L3MBTL2: variants seen among roughly 807,000 people sequenced by gnomAD.
L3MBTL2 encodes the protein L3MBTL histone methyl-lysine binding protein 2.
Under a neutral mutation model 86.4 loss-of-function variants are expected in L3MBTL2, and 49 were observed. The ratio of observed to expected loss-of-function variants is 0.57; its 90% CI spans 0.45 to 0.72. The LOEUF (loss-of-function observed/expected upper bound fraction) is 0.72, where lower values mean the gene tolerates loss of function less well. L3MBTL2 is among the 30% of genes least tolerant of loss of function. The probability of loss-of-function intolerance (pLI) is 0.00; values close to 1 mark genes in which losing one functional copy is unlikely to be tolerated. For missense variants in L3MBTL2, 755 were observed against 923.7 expected (o/e 0.82, Z 2.37); for synonymous variants, 336 against 350.6 (o/e 0.96, Z 0.47).
At chr22:41,208,274 C>T (rs558274405) in intron 1 of L3MBTL2, 9 of 431,000 alleles carry the variant, frequency 2.1e-5, no homozygotes, top group Admixed American at 7.5e-5. Flanking sequence ...GGACTACAGG[C>T]GCATGCCACC....
At chr22:41,213,868 G>A in intron 2 of L3MBTL2, 25 bp from the exon 3 acceptor site, 1 of 1,613,688 alleles carries the variant, frequency 6.2e-7, no homozygotes, top group Non-Finnish European at 8.5e-7. Flanking sequence ...TATCGGGTGA[G>A]TCATGTGCTA....
intron 1 of L3MBTL2, among the ~76,000 whole-genome samples, chr22:41,208,856 C>T (rs1047628529): frequency 6.6e-6 from 1 of 152,080 alleles, no homozygotes; most frequent in African/African-American, 2.4e-5. Flanking sequence ...CAATTCTCTG[C>T]CTCAGCTTCC....
Position 41,227,494 on chromosome 22 carries a change from G to A in L3MBTL2, c.1822+171G>A, listed in dbSNP as rs2032268680. Reference sequence around the variant, plus strand: ...CCCAGCCCCTGCTCCTGACTTCTCTGTCTCCCTTTCCCTCTGGCCTGCAGA... The same window carrying A: ...CCCAGCCCCTGCTCCTGACTTCTCTATCTCCCTTTCCCTCTGGCCTGCAGA... On this transcript the variant is annotated intron_variant, in intron 14 of 16. Coordinates refer to ENST00000216237, the MANE Select transcript of L3MBTL2 (RefSeq NM_031488.5). The surrounding 1 kb of genome is among the most constrained non-coding windows in gnomAD (Gnocchi z 6.0). The A allele has an allele frequency of 3.0e-5, 39 of 1,306,122 alleles. No individual in the cohort carries two copies. In the South Asian group the frequency reaches 4.4e-4, roughly 15 times the overall value. The allele number at this position is 1,306,122 out of a possible 1,614,324, so 80.9% of individuals were successfully genotyped here.
chr22:41,225,077 C>G lies in L3MBTL2; in HGVS notation c.1356+6C>G. On this transcript the variant is annotated splice_donor_region_variant and intron_variant, in intron 11 of 16. Transcript: ENST00000216237. The surrounding 1 kb of genome is among the most constrained non-coding windows in gnomAD (Gnocchi z 4.1). Reference sequence around the variant, plus strand: ...GCGTGGCAACTGTCTGTAAGGTGAGCCAGGGGCCGGCTCTCCAGCCTCCAG... The same window carrying G: ...GCGTGGCAACTGTCTGTAAGGTGAGGCAGGGGCCGGCTCTCCAGCCTCCAG... 1 of 1,608,762 alleles carries G rather than the reference C, an allele frequency of 6.2e-7. No homozygotes were observed. Among genetic ancestry groups the G allele is most frequent in the Non-Finnish European group, 8.5e-7 (1 of 1,176,322 alleles).
rs1318642113 is a variant in L3MBTL2, at chr22:41,224,280, G to A, written c.1174+29G>A. Reference sequence around the variant, plus strand: ...AGCAGAGCCCCAGGCCAGAGGGACTGCATGCTGTGCTTCCCCAGGGACGGA... The same window carrying A: ...AGCAGAGCCCCAGGCCAGAGGGACTACATGCTGTGCTTCCCCAGGGACGGA... On this transcript the variant is annotated intron_variant, in intron 9 of 16. Transcript: ENST00000216237. This position sits in a 1 kb window ranked among gnomAD's most constrained non-coding sequence, Gnocchi z 4.9. 5.1e-6 allele frequency: 8 copies of A among 1,554,668 alleles called. No homozygotes were observed. The highest frequency in any genetic ancestry group is 7.1e-6 in the Non-Finnish European group (8 of 1,130,122).
intron 15 of L3MBTL2, 142 bp downstream of exon 15, chr22:41,228,011 C>T: frequency 7.0e-7 from 1 of 1,429,952 alleles, no homozygotes; most frequent in East Asian, 2.6e-5. Context: ...TGTTCCTGTC[C>T]TGTCTCTTTC....
chr22:41,217,391 A>G, intron 5 of L3MBTL2, 189 bp downstream of exon 5: 1 of 578,090 alleles, frequency 1.7e-6, no homozygotes, highest in Non-Finnish European at 3.1e-6. Context: ...CACTTCTATC[A>G]CCTGCTTGGC....
intron 16 of L3MBTL2, 47 bp from the exon 17 acceptor site, chr22:41,230,092 C>CCCCCCAA: frequency 1.0e-6 from 1 of 969,176 alleles, no homozygotes; most frequent in Non-Finnish European, 1.6e-6. Context: ...CCCACCCCTC[C>CCCCCCAA]CAGAGTTATT....
intron 1 of L3MBTL2, chr22:41,206,157 A>C (rs970997960): frequency 1.3e-5 from 2 of 151,888 alleles, no homozygotes; most frequent in African/African-American, 4.8e-5. Flanking sequence ...TAATTTTTGT[A>C]TTTTTAGTAG....
At chr22:41,226,982 C>A in intron 13 of L3MBTL2, 107 bp from the exon 14 acceptor site, 1 of 991,894 alleles carries the variant, frequency 1.0e-6, no homozygotes, top group Non-Finnish European at 1.5e-6. Context: ...GCAGCCATTC[C>A]AGTCCCCGCC....
intron 15 of L3MBTL2, chr22:41,228,618 A>C (rs2032357554): frequency 1.6e-6 from 1 of 606,636 alleles, no homozygotes; most frequent in Admixed American, 6.3e-5. Context: ...TGGGAGGCCG[A>C]GGTGGGCGGA....
At chr22:41,223,946 C>T (rs1045333623) in intron 8 of L3MBTL2, 74 bp from the exon 9 acceptor site, 10 of 1,200,860 alleles carry the variant, frequency 8.3e-6, no homozygotes, top group Non-Finnish European at 1.2e-5. Context: ...TCCCTGTCCT[C>T]CACTCACCAG....
intron 8 of L3MBTL2, among the ~76,000 whole-genome samples, chr22:41,223,391 G>A (rs1381003439): frequency 6.6e-6 from 1 of 152,198 alleles, no homozygotes; most frequent in East Asian, 1.9e-4. Flanking sequence ...CCAGCACCAT[G>A]GCTCTCTGTA....
chr22:41,206,462 T>C (rs902489076), intron 1 of L3MBTL2, among the ~76,000 whole-genome samples: 2 of 152,032 alleles, frequency 1.3e-5, no homozygotes, highest in Non-Finnish European at 2.9e-5. Context: ...GCTGGGACTA[T>C]AGGTGGTCTC....
chr22:41,210,310 C>T (rs1349767669), intron 2 of L3MBTL2, among the ~76,000 whole-genome samples: 1 of 151,904 alleles, frequency 6.6e-6, no homozygotes, highest in East Asian at 1.9e-4. Context: ...CCACCACATC[C>T]AGCTAACTTT....
rs750674133 is a variant in L3MBTL2 at position 41,219,505 on chromosome 22, G to T, written c.687G>T (p.Val229=). The T allele has an allele frequency of 1.1e-5, 17 of 1,613,830 alleles. No homozygotes were observed. Among genetic ancestry groups the T allele is most frequent in the Non-Finnish European group, 1.4e-5 (17 of 1,179,786 alleles). The change falls in exon 6 of 17, where the codon GTG becomes GTT. Residue 229 remains valine (V), a synonymous_variant. Transcript: ENST00000216237. ...LNSDAVLPSR[V]YWIASVIQTA... ...GTGATGCTGTGCTCCCCAGCCGGGT[G>T]TACTGGATCGCCTCTGTCATCCAGA... is the stretch of plus-strand genomic sequence containing the variant.
In L3MBTL2 at chr22:41,212,989, C is replaced by T. The variant is rs371102541; in HGVS notation, c.263-904C>T. Among the ~76,000 whole-genome samples, 10 of 151,694 alleles carry T rather than the reference C, an allele frequency of 6.6e-5. No homozygotes were observed. The East Asian group carries it at 1.4e-3, about 21-fold the overall frequency. On this transcript the variant is annotated intron_variant, in intron 2 of 16. Coordinates refer to ENST00000216237, the MANE Select transcript of L3MBTL2 (RefSeq NM_031488.5). ...ATCCCAACACTTTGGGAGGCCGACA[C>T]GGCGGATCACAAGGTCAGGAGATTG...
At chr22:41,211,246 G>A (rs1361471053) in intron 2 of L3MBTL2, among the ~76,000 whole-genome samples, 1 of 152,134 alleles carries the variant, frequency 6.6e-6, no homozygotes, top group Non-Finnish European at 1.5e-5. Flanking sequence ...TGTCACCCTG[G>A]CTGCAGTGCA....
chr22:41,215,658 G>A (rs1393395944), intron 3 of L3MBTL2, among the ~76,000 whole-genome samples: 1 of 151,256 alleles, frequency 6.6e-6, no homozygotes, highest in Non-Finnish European at 1.5e-5. Flanking sequence ...ACCCTCTCCC[G>A]AACATTCGCC....
Sources: allele counts gnomAD v4.1 joint callset (sites outside exome capture counted in the v4.1 genomes callset), GRCh38; gene constraint gnomAD v4.1.1; non-coding constraint Gnocchi (gnomAD v3.1); transcripts MANE v1.5; gene names NCBI Gene and HGNC (gene_info 2026-07-23, HGNC 2026-07-21).